SNRPA1: variants seen among roughly 807,000 people sequenced by gnomAD.
SNRPA1 encodes U2 small nuclear ribonucleoprotein A'.
A neutral mutation model predicts 32.3 loss-of-function variants in SNRPA1; 5 were observed. The ratio of observed to expected loss-of-function variants is 0.15; its 90% confidence interval spans 0.08 to 0.33. The LOEUF (loss-of-function observed/expected upper bound fraction) is 0.33. Among genes scored for constraint, SNRPA1 ranks in the 10% least tolerant of loss-of-function variants. SNRPA1 has a pLI of 1.00. For missense variants in SNRPA1, 198 were observed against 311.1 expected (o/e 0.64, Z 2.74); for synonymous variants, 111 against 120.1 (o/e 0.92, Z 0.50).
chr15:101,285,043 A>G lies in SNRPA1; in HGVS notation c.633T>C (p.Ala211=). Residue 211 remains alanine (A), a synonymous_variant, in exon 8 of 9, where the codon GCT becomes GCC. Coordinates refer to ENST00000254193, the MANE Select transcript of SNRPA1 (RefSeq NM_003090.4). ...VEAIKNAIAN[A]STLAEVERLK... is the part of the protein sequence containing the mutation. ...GCCTCTCCACTTCAGCCAGAGTTGA[A>G]GCATTTGCTATGGCATTCTGGAGGA... The G allele has an allele frequency of 6.2e-7, 1 of 1,613,770 alleles. No individual in the cohort carries two copies. Among genetic ancestry groups the G allele is most frequent in the Admixed American group, 1.7e-5 (1 of 60,020 alleles).
At chr15:101,287,058 A>C in intron 4 of SNRPA1, 48 bp from the exon 5 acceptor site, 3 of 959,170 alleles carry the variant, frequency 3.1e-6, no homozygotes, top group Non-Finnish European at 5.1e-6. Context: ...ATGGCACAGC[A>C]CTCAAGAGGT....
Position 101,285,813 on chromosome 15 carries a change from G to T in SNRPA1, c.540-12C>A, listed in dbSNP as rs759386021. 1.2e-6 allele frequency: 2 copies of T among 1,609,016 alleles called. No individual in the cohort carries two copies. Among genetic ancestry groups the T allele is most frequent in the South Asian group, 2.2e-5 (2 of 90,936 alleles). On this transcript the variant is annotated splice_polypyrimidine_tract_variant and intron_variant, in intron 6 of 8. Coordinates refer to ENST00000254193, the MANE Select transcript of SNRPA1 (RefSeq NM_003090.4). ...CACCTGGATTAAAACTTAAGAGGGG[G>T]AAGAACATAACTGTTAGACCTAGAC...
chr15:101,286,975 T>C lies in SNRPA1; in HGVS notation c.392A>G (p.Tyr131Cys). 1.9e-6 allele frequency: 3 copies of C among 1,606,554 alleles called. No homozygotes were observed. The highest frequency in any genetic ancestry group is 2.6e-6 in the Non-Finnish European group (3 of 1,173,950). Residue 131 changes from tyrosine (Y) to cysteine (C), a missense_variant, in exon 5 of 9, where the codon TAC (tyrosine) becomes TGC (cysteine). Coordinates refer to ENST00000254193, the MANE Select transcript of SNRPA1 (RefSeq NM_003090.4). ...AACTTTATAAATCACATACAATCTG[T>C]AATGCTTCTTATTGGTTACCGGATT... ...LRNPVTNKKH[Y>C]RLYVIYKVPQ...
At chr15:101,292,899 A>T (rs35127094) in intron 2 of SNRPA1, 126 bp downstream of exon 2, 2 of 539,324 alleles carry the variant, frequency 3.7e-6, no homozygotes, top group Non-Finnish European at 6.0e-6. Flanking sequence ...AAATATAAAT[A>T]AAAAAGAAAA....
intron 5 of SNRPA1, chr15:101,286,538 T>A: frequency 2.0e-6 from 1 of 500,624 alleles, no homozygotes; most frequent in African/African-American, 1.9e-5. Context: ...ATTAAATGAA[T>A]AATAAAATAA....
chr15:101,295,046 A>T lies in SNRPA1; in HGVS notation c.82+51T>A, dbSNP rs772306031. On this transcript the variant is annotated intron_variant, in intron 1 of 8. Transcript: ENST00000254193. The stretch of plus-strand genomic sequence containing the variant: ...GTGCACGCGGCAAAGCGCGGAAAAT[A>T]AGGCGGCTCGGTGCCGCCTGGGGAC... The T allele has an allele frequency of 3.2e-5, 39 of 1,237,460 alleles. No homozygotes were observed. The South Asian group carries it at 5.7e-4, about 18-fold the overall frequency. 76.7% of individuals were successfully genotyped at this position (1,237,460 alleles called of 1,614,324 possible).
chr15:101,281,837 T>TA (rs1168381211), intron 8 of SNRPA1, 55 bp from the exon 9 acceptor site: 2 of 1,533,756 alleles, frequency 1.3e-6, no homozygotes, highest in African/African-American at 2.7e-5. Context: ...TCCATTCCCT[T>TA]AGCATGCAAG....
At chr15:101,292,426 A>C (rs1435635622) in intron 2 of SNRPA1, among the ~76,000 whole-genome samples, 1 of 152,150 alleles carries the variant, frequency 6.6e-6, no homozygotes, top group Non-Finnish European at 1.5e-5. Flanking sequence ...ACCTATGAGA[A>C]ATATTTCTAT....
chr15:101,291,656 T>A (rs1386825224), intron 3 of SNRPA1, among the ~76,000 whole-genome samples: 3 of 152,136 alleles, frequency 2.0e-5, no homozygotes, highest in Non-Finnish European at 2.9e-5. Context: ...ACATAGGAGT[T>A]TATAACCCTG....
intron 1 of SNRPA1, among the ~76,000 whole-genome samples, chr15:101,294,557 A>G (rs1321224755): frequency 5.3e-5 from 8 of 152,204 alleles, no homozygotes; most frequent in African/African-American, 1.9e-4. Flanking sequence ...ACACAGTTCA[A>G]TTTTTAAAAC....
At chr15:101,285,873 TTTTGAAAGTAATTCA>T in intron 6 of SNRPA1, 72 bp from the exon 7 acceptor site, 1 of 1,181,896 alleles carries the variant, frequency 8.5e-7, no homozygotes, top group Non-Finnish European at 1.3e-6. Context: ...TTTCAAAAGC[TTTTGAAAGTAATTCA>T]ACCAGTGTAG....
At chr15:101,289,171 G>A (rs1234210788) in intron 3 of SNRPA1, among the ~76,000 whole-genome samples, 1 of 152,184 alleles carries the variant, frequency 6.6e-6, no homozygotes, top group African/African-American at 2.4e-5. Context: ...GAACAAAGTG[G>A]TAACATTTGT....
chr15:101,283,801 A>ACGGTAGCCC (rs1266306535), intron 8 of SNRPA1, among the ~76,000 whole-genome samples: 1 of 151,518 alleles, frequency 6.6e-6, no homozygotes, highest in Non-Finnish European at 1.5e-5. Flanking sequence ...TTAGCCGGGC[A>ACGGTAGCCC]CGGTAGCAGG....
chr15:101,285,974 G>A, intron 6 of SNRPA1, 173 bp from the exon 7 acceptor site: 2 of 633,378 alleles, frequency 3.2e-6, no homozygotes, highest in Non-Finnish European at 5.6e-6. Context: ...TTCCTATATA[G>A]AAAATAGGAT....
chr15:101,285,390 G>C (rs2039443643), intron 7 of SNRPA1, among the ~76,000 whole-genome samples: 1 of 152,172 alleles, frequency 6.6e-6, no homozygotes, highest in African/African-American at 2.4e-5. Flanking sequence ...GGTCCCTACT[G>C]ATCAGTCAAA....
At position 101,290,681 on chromosome 15, in the gene SNRPA1, T is replaced by C. The variant is rs538710477; in HGVS notation, c.309+1281A>G. Among the ~76,000 whole-genome samples, 10 of 150,158 alleles carry C rather than the reference T, an allele frequency of 6.7e-5. 1 individual carries two copies. The East Asian group carries it at 1.9e-3, about 29-fold the overall frequency. ...CGACTGATGGCTAGGGCTCAAGTGA[T>C]CCTCCCACTTTAGCCACTGGAATAC... On this transcript the variant is annotated intron_variant, in intron 3 of 8. Coordinates refer to ENST00000254193, the MANE Select transcript of SNRPA1 (RefSeq NM_003090.4).
At chr15:101,288,115 G>A (rs2039475640) in intron 3 of SNRPA1, 1 of 181,164 alleles carries the variant, frequency 5.5e-6, no homozygotes, top group Non-Finnish European at 1.2e-5. Flanking sequence ...GAACAACAAA[G>A]GTATACTGTC....
rs76319327 is a variant in SNRPA1 at position 101,293,740 on chromosome 15, T to C, written c.83-568A>G. 4.0e-3 allele frequency among the ~76,000 whole-genome samples: 616 copies of C among 152,348 alleles called. 36 individuals are homozygous for C. In the East Asian group the frequency reaches 0.098, roughly 24 times the overall value. On this transcript the variant is annotated intron_variant, in intron 1 of 8. Transcript: ENST00000254193. Reference sequence around the variant, plus strand: ...TAATAAATCTGTGAACACTCAAATGTTAATTTGTCTAATTTGGGCATAATT... The same window carrying C: ...TAATAAATCTGTGAACACTCAAATGCTAATTTGTCTAATTTGGGCATAATT...
At chr15:101,284,476 G>C (rs192717151) in intron 8 of SNRPA1, among the ~76,000 whole-genome samples, 2 of 151,378 alleles carry the variant, frequency 1.3e-5, no homozygotes, top group African/African-American at 4.9e-5. Flanking sequence ...ACCCCCCACA[G>C]TGCTGTAACT....
Sources: allele counts gnomAD v4.1 joint callset (sites outside exome capture counted in the v4.1 genomes callset), GRCh38; gene constraint gnomAD v4.1.1; transcripts MANE v1.5; gene names NCBI Gene and HGNC (gene_info 2026-07-23, HGNC 2026-07-21).